The following GBE1 variants were observed in gnomAD, a reference collection of about 807,000 sequenced individuals.
GBE1 encodes the protein 1,4-alpha-glucan-branching enzyme.
In GBE1, 70 loss-of-function variants were observed where a neutral mutation model predicts 88.8. The ratio of observed to expected loss-of-function variants is 0.79; its 90% CI spans 0.65 to 0.96. The LOEUF (loss-of-function observed/expected upper bound fraction) is 0.96, where lower values mean the gene tolerates loss of function less well. Ranked by LOEUF, GBE1 falls within the 40% of genes least tolerant of loss-of-function variation. The pLI, the probability that GBE1 is intolerant of heterozygous loss-of-function variation, is 0.00. For missense variants in GBE1, 872 were observed against 871.0 expected (o/e 1.00, Z -0.01); for synonymous variants, 284 against 300.1 (o/e 0.95, Z 0.56).
At chr3:81,742,332 CT>C (rs1706360558) in intron 1 of GBE1, among the ~76,000 whole-genome samples, 1 of 152,060 alleles carries the variant, frequency 6.6e-6, no homozygotes, top group Non-Finnish European at 1.5e-5. Context: ...GTGAATACTG[CT>C]GTTCAGGAAA....
At chr3:81,591,443 A>C (rs1703876093) in intron 8 of GBE1, among the ~76,000 whole-genome samples, 1 of 152,174 alleles carries the variant, frequency 6.6e-6, no homozygotes, top group Non-Finnish European at 1.5e-5. Flanking sequence ...ATATGGCAAA[A>C]AGTGAAATCA....
intron 11 of GBE1, 41 bp from the exon 12 acceptor site, chr3:81,578,137 G>A (rs77150467): frequency 5.9e-6 from 8 of 1,357,874 alleles, no homozygotes; most frequent in Admixed American, 2.3e-5. Flanking sequence ...AAAAAAAAAA[G>A]TGCTAAGTAG....
At chr3:81,590,111 G>A (rs867883428) in intron 9 of GBE1, among the ~76,000 whole-genome samples, 2 of 151,866 alleles carry the variant, frequency 1.3e-5, no homozygotes, top group Non-Finnish European at 2.9e-5. Context: ...CTATCCAAGC[G>A]GTGAAATCAT....
chr3:81,515,212 T>C (rs745611925), intron 14 of GBE1, among the ~76,000 whole-genome samples: 6 of 151,556 alleles, frequency 4.0e-5, no homozygotes, highest in African/African-American at 1.2e-4. Flanking sequence ...CATTTTCCAA[T>C]AGCATGTGTT....
At chr3:81,657,152 A>AC (rs1704952990) in intron 3 of GBE1, among the ~76,000 whole-genome samples, 1 of 150,686 alleles carries the variant, frequency 6.6e-6, no homozygotes, top group Non-Finnish European at 1.5e-5. Context: ...AAAAAAACAA[A>AC]ACAAAAAAAA....
At chr3:81,751,447 A>G (rs987132581) in intron 1 of GBE1, among the ~76,000 whole-genome samples, 8 of 152,232 alleles carry the variant, frequency 5.3e-5, no homozygotes, top group African/African-American at 1.9e-4. Context: ...GCTAAGGATG[A>G]CCATGGGACA....
At chr3:81,553,988 T>C (rs1387924304) in intron 12 of GBE1, among the ~76,000 whole-genome samples, 1 of 152,074 alleles carries the variant, frequency 6.6e-6, no homozygotes, top group African/African-American at 2.4e-5. Context: ...ACAAAGCAAA[T>C]GAGACTAAAT....
intron 10 of GBE1, among the ~76,000 whole-genome samples, chr3:81,582,684 T>C (rs1422069957): frequency 6.6e-6 from 1 of 152,048 alleles, no homozygotes; most frequent in Admixed American, 6.6e-5. Context: ...TGGATACCCA[T>C]GGGTAAAAAG....
intron 14 of GBE1, among the ~76,000 whole-genome samples, chr3:81,526,688 G>A (rs1238789512): frequency 1.3e-5 from 2 of 152,054 alleles, no homozygotes; most frequent in Non-Finnish European, 2.9e-5. Flanking sequence ...TCTTTAAGGA[G>A]AACTACAACC....
chr3:81,533,396 A>C (rs1703034610), intron 14 of GBE1, among the ~76,000 whole-genome samples: 1 of 152,106 alleles, frequency 6.6e-6, no homozygotes, highest in Non-Finnish European at 1.5e-5. Flanking sequence ...CTGTGGGTTA[A>C]CTGGAGCACA....
chr3:81,609,472 C>T (rs561150159), intron 7 of GBE1, among the ~76,000 whole-genome samples: 4 of 152,138 alleles, frequency 2.6e-5, no homozygotes, highest in African/African-American at 4.8e-5. Context: ...CTCTCAGACA[C>T]GGAAAATATA....
At position 81,689,661 on chromosome 3, in the gene GBE1, G is replaced by A. The variant is rs531145270; in HGVS notation, c.313+15783C>T. Among the ~76,000 whole-genome samples, 7 of 152,224 alleles carry A rather than the reference G, an allele frequency of 4.6e-5. No homozygotes were observed. In the East Asian group the frequency reaches 9.7e-4, roughly 21 times the overall value. On this transcript the variant is annotated intron_variant, in intron 2 of 15. Coordinates refer to ENST00000429644, the MANE Select transcript of GBE1 (RefSeq NM_000158.4). ...ACACAGCCTCCCATCACTAGCGGGC[G>A]AGTCCACTCCACCATTTTGAACTAA... is the stretch of plus-strand genomic sequence containing the variant.
At chr3:81,594,064 G>C in intron 7 of GBE1, 41 bp from the exon 8 acceptor site, 1 of 928,296 alleles carries the variant, frequency 1.1e-6, no homozygotes, top group Non-Finnish European at 1.7e-6. Context: ...AAAATGTGAA[G>C]AGCATTTTCC....
At position 81,706,843 on chromosome 3, in the gene GBE1, T is replaced by C. The variant is rs78910338; in HGVS notation, c.144-1230A>G. Among the ~76,000 whole-genome samples the C allele has an allele frequency of 4.1e-3, 620 of 151,792 alleles. 9 individuals are homozygous for C. Among genetic ancestry groups the C allele is most frequent in the Middle Eastern group, 0.014 (4 of 294 alleles). On this transcript the variant is annotated intron_variant, in intron 1 of 15. Coordinates refer to ENST00000429644, the MANE Select transcript of GBE1 (RefSeq NM_000158.4). ...TAAATGGAGGAATAAAGTATATCAA[T>C]AGATAATGATGAGTTAGACTCAACA... is the stretch of plus-strand genomic sequence containing the variant.
intron 12 of GBE1, among the ~76,000 whole-genome samples, chr3:81,547,997 A>G (rs144390457): frequency 5.3e-5 from 8 of 151,496 alleles, no homozygotes; most frequent in Non-Finnish European, 8.9e-5. Context: ...TTTTAACCAC[A>G]TGGCAGTACT....
intron 7 of GBE1, chr3:81,612,466 A>G: frequency 9.8e-7 from 1 of 1,022,134 alleles, no homozygotes; most frequent in Non-Finnish European, 1.5e-6. Flanking sequence ...CTGATTTAAT[A>G]TCTTCAAATT....
chr3:81,596,517 ATAAC>A (rs1490322234), intron 7 of GBE1, among the ~76,000 whole-genome samples: 2 of 152,004 alleles, frequency 1.3e-5, no homozygotes, highest in Admixed American at 6.6e-5. Flanking sequence ...CATTTTATAA[ATAAC>A]TAGCCTTTGT....
intron 14 of GBE1, among the ~76,000 whole-genome samples, chr3:81,514,393 C>T (rs186480528): frequency 1.3e-5 from 2 of 151,684 alleles, no homozygotes; most frequent in East Asian, 3.9e-4. Flanking sequence ...ATTATCTAAA[C>T]ACTTTCCTTA....
intron 7 of GBE1, among the ~76,000 whole-genome samples, chr3:81,630,481 A>T (rs1704491589): frequency 6.6e-6 from 1 of 152,200 alleles, no homozygotes; most frequent in Non-Finnish European, 1.5e-5. Flanking sequence ...ACAAAGCTGG[A>T]GGCATCACGC....
Sources: gnomAD v4.1 joint callset for allele counts (sites outside exome capture counted in the v4.1 genomes callset) on GRCh38, gnomAD v4.1.1 for gene constraint, MANE v1.5 for transcripts, NCBI Gene and HGNC (gene_info 2026-07-23, HGNC 2026-07-21) for gene names.